MED13L: variants seen among roughly 807,000 people sequenced by gnomAD.
MED13L encodes mediator of RNA polymerase II transcription subunit 13-like.
MED13L carries 7 observed loss-of-function variants against 220.9 expected under a neutral mutation model. The observed-to-expected ratio is 0.03, with a 90% CI of 0.02 to 0.06. MED13L has a LOEUF of 0.06. MED13L is among the 10% of genes least tolerant of loss of function. MED13L has a pLI of 1.00. For synonymous variants in MED13L, 1,011 were observed against 1,015.2 expected, an observed-to-expected ratio of 1.00 and a Z score of 0.08; for missense variants, 1,965 against 2,760.5, an observed-to-expected ratio of 0.71 and a Z score of 6.46.
At chr12:116,255,868 C>CA (rs903966042) in intron 1 of MED13L, among the ~76,000 whole-genome samples, 2 of 152,162 alleles carry the variant, frequency 1.3e-5, no homozygotes, top group African/African-American at 4.8e-5. Context: ...AAACTTTTTG[C>CA]ATGCCAACAT....
intron 29 of MED13L, among the ~76,000 whole-genome samples, chr12:115,965,825 T>C (rs1876117113): frequency 6.6e-6 from 1 of 152,186 alleles, no homozygotes; most frequent in African/African-American, 2.4e-5. Flanking sequence ...GCATCCATCC[T>C]AGATTTACCC....
At chr12:116,140,014 G>A (rs1876921139) in intron 2 of MED13L, among the ~76,000 whole-genome samples, 1 of 148,278 alleles carries the variant, frequency 6.7e-6, no homozygotes. Flanking sequence ...ATAGATGAAT[G>A]CCAACTAACA....
At chr12:116,177,230 C>T (rs897355630) in intron 2 of MED13L, among the ~76,000 whole-genome samples, 2 of 152,158 alleles carry the variant, frequency 1.3e-5, no homozygotes, top group African/African-American at 4.8e-5. Flanking sequence ...TCCCCAGGCA[C>T]TACTCCACAG....
intron 1 of MED13L, among the ~76,000 whole-genome samples, chr12:116,262,758 T>C (rs1186162493): frequency 6.6e-6 from 1 of 152,228 alleles, no homozygotes; most frequent in Non-Finnish European, 1.5e-5. Context: ...TGAGAATCAT[T>C]CCGCTGTTTA....
At chr12:116,198,551 T>G (rs1881797392) in intron 2 of MED13L, among the ~76,000 whole-genome samples, 1 of 152,200 alleles carries the variant, frequency 6.6e-6, no homozygotes, top group Non-Finnish European at 1.5e-5. Context: ...TCACTGAGAC[T>G]TCTCTGACAA....
At chr12:116,238,001 A>G (rs1870253480) in intron 1 of MED13L, among the ~76,000 whole-genome samples, 1 of 152,218 alleles carries the variant, frequency 6.6e-6, no homozygotes, top group Non-Finnish European at 1.5e-5. Flanking sequence ...TAAAGTCTCT[A>G]TGCAGAAAAC....
chr12:116,043,261 G>C (rs1329268133), intron 4 of MED13L, among the ~76,000 whole-genome samples: 1 of 152,078 alleles, frequency 6.6e-6, no homozygotes, highest in African/African-American at 2.4e-5. Context: ...AGAAAAAAAA[G>C]GATTAAAGCC....
intron 9 of MED13L, among the ~76,000 whole-genome samples, chr12:116,009,418 G>T (rs1273990799): frequency 6.6e-6 from 1 of 152,092 alleles, no homozygotes; most frequent in East Asian, 1.9e-4. Context: ...TTTAGATTTG[G>T]TGAGGGCCTC....
Position 115,990,950 on chromosome 12 carries a change from AAAG to A in MED13L, c.3934+67_3934+69del, listed in dbSNP as rs1305365764. 16 of 1,536,238 alleles carry A rather than the reference AAAG, an allele frequency of 1.0e-5. No homozygotes were observed. The African/African-American group carries it at 2.2e-4, about 21-fold the overall frequency. ...ATTAAAATTTTTTGTCAAATACAGT[AAAG>A]AAAGCTTTTAAGTTATGATCATACC... On this transcript the variant is annotated intron_variant, in intron 17 of 30. Transcript: ENST00000281928.
At chr12:116,257,306 C>T (rs1202296950) in intron 1 of MED13L, among the ~76,000 whole-genome samples, 1 of 152,196 alleles carries the variant, frequency 6.6e-6, no homozygotes, top group Non-Finnish European at 1.5e-5. Flanking sequence ...CCCATAGTAA[C>T]ATACACTTTA....
chr12:115,974,228 A>T (rs1037537101), intron 25 of MED13L, among the ~76,000 whole-genome samples: 14 of 152,214 alleles, frequency 9.2e-5, no homozygotes, highest in African/African-American at 3.4e-4. Flanking sequence ...CTGGCCTGCA[A>T]AGCTGAAAAT....
intron 2 of MED13L, among the ~76,000 whole-genome samples, chr12:116,135,721 T>A (rs1876483146): frequency 6.6e-6 from 1 of 152,140 alleles, no homozygotes; most frequent in South Asian, 2.1e-4. Flanking sequence ...GAATAGCTAT[T>A]CAAATAGGGA....
intron 2 of MED13L, among the ~76,000 whole-genome samples, chr12:116,202,517 CAGTT>C (rs1214518284): frequency 6.6e-6 from 1 of 152,090 alleles, no homozygotes; most frequent in Non-Finnish European, 1.5e-5. Flanking sequence ...ATCCAGACAA[CAGTT>C]AGAGGCAAGA....
chr12:116,033,016 T>C (rs959968345), intron 4 of MED13L, among the ~76,000 whole-genome samples: 1 of 151,686 alleles, frequency 6.6e-6, no homozygotes, highest in African/African-American at 2.4e-5. Flanking sequence ...AGGGAGAAGA[T>C]GATGGGGTAG....
rs147822696 is a variant in MED13L at position 116,225,827 on chromosome 12, T to G, written c.310+11641A>C. ...TCCACAAATATTTACTTTTTTTCTC[T>G]TGTGTCAGAAAGTAAGCCTTCAAGA... On this transcript the variant is annotated intron_variant, in intron 2 of 30. Transcript: ENST00000281928. Among the ~76,000 whole-genome samples the G allele has an allele frequency of 2.2e-3, 338 of 152,274 alleles. 1 individual carries two copies. The highest frequency in any genetic ancestry group is 7.8e-3 in the African/African-American group (323 of 41,550).
At chr12:116,248,787 G>A (rs1287841082) in intron 1 of MED13L, among the ~76,000 whole-genome samples, 2 of 152,238 alleles carry the variant, frequency 1.3e-5, no homozygotes, top group Non-Finnish European at 2.9e-5. Flanking sequence ...TGATACCTGA[G>A]CTAGGATAAC....
chr12:116,069,644 C>T (rs753806502), intron 4 of MED13L, among the ~76,000 whole-genome samples: 7 of 152,140 alleles, frequency 4.6e-5, no homozygotes, highest in Non-Finnish European at 8.8e-5. Flanking sequence ...CAGTCCATTG[C>T]TTTTCTCTTT....
Position 115,961,227 on chromosome 12 carries a change from G to A in MED13L, c.*39C>T. On this transcript the variant is annotated 3_prime_UTR_variant, in exon 31 of 31. Transcript: ENST00000281928. ...AGGTTCCTTGGACTGAGGTTGCAGGGAGAAGGAACTGAGCCAGAGAGAACA... is the reference window on the plus strand; with the variant it reads ...AGGTTCCTTGGACTGAGGTTGCAGGAAGAAGGAACTGAGCCAGAGAGAACA... 6.2e-7 allele frequency: 1 copy of A among 1,613,176 alleles called. No homozygotes were observed. Among genetic ancestry groups the A allele is most frequent in the Non-Finnish European group, 8.5e-7 (1 of 1,179,158 alleles).
At chr12:116,169,822 CAACATAAGGCG>C (rs1404208979) in intron 2 of MED13L, among the ~76,000 whole-genome samples, 4 of 152,140 alleles carry the variant, frequency 2.6e-5, no homozygotes, top group Non-Finnish European at 4.4e-5. Flanking sequence ...CCAGCCTGGG[CAACATAAGGCG>C]ACTCCATCTC....
Sources: allele counts gnomAD v4.1 joint callset (sites outside exome capture counted in the v4.1 genomes callset), GRCh38; gene constraint gnomAD v4.1.1; transcripts MANE v1.5; gene names NCBI Gene and HGNC (gene_info 2026-07-23, HGNC 2026-07-21).